The following KDM7A variants were observed in gnomAD, a reference collection of about 807,000 sequenced individuals.
The protein encoded by KDM7A is lysine demethylase 7A, also known as lysine-specific demethylase 7A.
KDM7A carries 28 observed loss-of-function variants against 114.8 expected under a neutral mutation model. That is an observed-to-expected ratio of 0.24 (90% CI 0.18 to 0.33). KDM7A has a LOEUF of 0.33. Ranked by LOEUF, KDM7A falls within the 10% of genes least tolerant of loss-of-function variation. KDM7A has a pLI of 1.00. For missense variants in KDM7A, 942 were observed against 1,142.5 expected (o/e 0.82, Z 2.53); for synonymous variants, 423 against 397.8 (o/e 1.06, Z -0.75).
chr7:140,116,096 AT>A (rs890933208), intron 9 of KDM7A, among the ~76,000 whole-genome samples: 1 of 152,184 alleles, frequency 6.6e-6, no homozygotes, highest in Non-Finnish European at 1.5e-5. Context: ...ATTGGAAACA[AT>A]TTGGCAGCAA....
chr7:140,151,090 C>T (rs369713315), intron 1 of KDM7A, among the ~76,000 whole-genome samples: 12 of 152,196 alleles, frequency 7.9e-5, no homozygotes, highest in African/African-American at 2.9e-4. Flanking sequence ...CTCGGCCTCC[C>T]AAAGTGCTGG....
At chr7:140,170,098 G>A (rs1395385417) in intron 1 of KDM7A, among the ~76,000 whole-genome samples, 1 of 152,026 alleles carries the variant, frequency 6.6e-6, no homozygotes, top group Non-Finnish European at 1.5e-5. Flanking sequence ...TCATGAAGGT[G>A]AAATGTATAT....
Position 140,094,148 on chromosome 7 carries a change from A to G in KDM7A, c.2375-10T>C, listed in dbSNP as rs1386556847. ...GTCTTGACATGGTATCCTAAAGAGA[A>G]GTTTTAGTTTAATTAACTTTGCACA... On this transcript the variant is annotated splice_polypyrimidine_tract_variant and intron_variant, in intron 17 of 19. Transcript: ENST00000397560. 1.6e-5 allele frequency: 24 copies of G among 1,510,726 alleles called. No individual in the cohort carries two copies. Among genetic ancestry groups the G allele is most frequent in the Non-Finnish European group, 2.2e-5 (24 of 1,086,016 alleles). 93.6% of individuals were successfully genotyped at this position (1,510,726 alleles called of 1,614,324 possible). A position where few individuals can be genotyped will look rare whatever the true frequency, so the allele number is the denominator to read the frequency against.
At chr7:140,155,025 G>A (rs1794443114) in intron 1 of KDM7A, among the ~76,000 whole-genome samples, 1 of 152,106 alleles carries the variant, frequency 6.6e-6, no homozygotes, top group Admixed American at 6.5e-5. Context: ...GCATTACCAA[G>A]CATTTACTGA....
intron 3 of KDM7A, 31 bp downstream of exon 3, chr7:140,133,508 C>A (rs774904474): frequency 1.6e-6 from 2 of 1,233,862 alleles, no homozygotes; most frequent in East Asian, 2.3e-5. Context: ...TACATTCTTA[C>A]ATTTTCTTTT....
At chr7:140,148,202 C>T (rs1213888611) in intron 1 of KDM7A, among the ~76,000 whole-genome samples, 1 of 147,930 alleles carries the variant, frequency 6.8e-6, no homozygotes, top group African/African-American at 2.5e-5. Context: ...ACCAGGCACT[C>T]AAATGGCTAT....
Position 140,084,847 on chromosome 7 carries a change from T to TA in KDM7A, c.*6246dup, listed in dbSNP as rs1373912257. 2 of 152,122 alleles carry TA rather than the reference T, an allele frequency of 1.3e-5. No homozygotes were observed. Among genetic ancestry groups the TA allele is most frequent in the African/African-American group, 4.8e-5 (2 of 41,388 alleles). The allele number at this position is 152,122 out of a possible 1,614,324, so 9.4% of individuals were successfully genotyped here. A position where few individuals can be genotyped will look rare whatever the true frequency, so the allele number is the denominator to read the frequency against. The stretch of plus-strand genomic sequence containing the variant: ...AATGAGCAAAAAATACACTAAGTGC[T>TA]AAAAAAATCAAAACAGAAGTAATAC... On this transcript the variant is annotated 3_prime_UTR_variant, in exon 20 of 20. Coordinates refer to ENST00000397560, the MANE Select transcript of KDM7A (RefSeq NM_030647.2).
At chr7:140,133,391 C>T (rs932909689) in intron 3 of KDM7A, 148 bp downstream of exon 3, 135 of 536,564 alleles carry the variant, frequency 2.5e-4, no homozygotes, top group Middle Eastern at 1.9e-3. Context: ...TTTTCTATTT[C>T]GTTAAGGAAG....
intron 2 of KDM7A, among the ~76,000 whole-genome samples, chr7:140,136,740 G>A (rs117651094): frequency 0.027 from 4,169 of 152,276 alleles, 102 homozygotes; most frequent in South Asian, 0.1. Flanking sequence ...GAGGCCAGGC[G>A]CAGTGGCTCA....
chr7:140,108,071 C>T (rs1359334650), intron 11 of KDM7A, among the ~76,000 whole-genome samples: 1 of 152,130 alleles, frequency 6.6e-6, no homozygotes, highest in African/African-American at 2.4e-5. Flanking sequence ...AATCGGCTAC[C>T]GAAGCTTGTG....
intron 3 of KDM7A, among the ~76,000 whole-genome samples, chr7:140,131,899 CACA>C (rs1238874792): frequency 2.0e-5 from 3 of 152,122 alleles, no homozygotes; most frequent in East Asian, 1.9e-4. Context: ...CTACATACCT[CACA>C]ACATTTAGGG....
Position 140,150,671 on chromosome 7 carries a change from T to C in KDM7A, c.195-11481A>G, listed in dbSNP as rs574240227. ...AAAAGAAAACTGAATGGATATAGAATGGAGAAGAGGAGAATTGCTTTTCAC... is the reference window on the plus strand; with the variant it reads ...AAAAGAAAACTGAATGGATATAGAACGGAGAAGAGGAGAATTGCTTTTCAC... On this transcript the variant is annotated intron_variant, in intron 1 of 19. Transcript: ENST00000397560. Among the ~76,000 whole-genome samples the C allele has an allele frequency of 9.8e-5, 15 of 152,304 alleles. No individual in the cohort carries two copies. The South Asian group carries it at 2.5e-3, about 25-fold the overall frequency.
intron 10 of KDM7A, among the ~76,000 whole-genome samples, chr7:140,112,146 T>C (rs1356171019): frequency 6.6e-6 from 1 of 152,212 alleles, no homozygotes; most frequent in African/African-American, 2.4e-5. Context: ...GTGGAGGACA[T>C]GATTTTTATT....
chr7:140,122,436 G>A (rs1818630887), intron 7 of KDM7A, among the ~76,000 whole-genome samples: 1 of 151,766 alleles, frequency 6.6e-6, no homozygotes, highest in Non-Finnish European at 1.5e-5. Flanking sequence ...TTTAAGGGAG[G>A]GGCATTCACA....
intron 1 of KDM7A, among the ~76,000 whole-genome samples, chr7:140,171,184 C>G (rs1223966314): frequency 6.6e-6 from 1 of 151,756 alleles, no homozygotes; most frequent in Non-Finnish European, 1.5e-5. Flanking sequence ...AGAATATGGC[C>G]GGGCGTGGTG....
At chr7:140,146,970 G>A (rs995950246) in intron 1 of KDM7A, among the ~76,000 whole-genome samples, 11 of 151,930 alleles carry the variant, frequency 7.2e-5, no homozygotes, top group African/African-American at 2.4e-4. Flanking sequence ...CTTACTGTCC[G>A]TGGACTTCAT....
chr7:140,155,277 A>G (rs1794446064), intron 1 of KDM7A, among the ~76,000 whole-genome samples: 1 of 152,176 alleles, frequency 6.6e-6, no homozygotes, highest in Non-Finnish European at 1.5e-5. Context: ...AAGAAGCAAG[A>G]TATAACATAT....
intron 4 of KDM7A, among the ~76,000 whole-genome samples, chr7:140,129,281 A>G (rs1030642667): frequency 6.6e-6 from 1 of 152,268 alleles, no homozygotes; most frequent in Non-Finnish European, 1.5e-5. Context: ...GATGAAGCTG[A>G]GTAAATAAAA....
At chr7:140,106,192 C>T (rs1411705057) in intron 11 of KDM7A, among the ~76,000 whole-genome samples, 2 of 151,962 alleles carry the variant, frequency 1.3e-5, no homozygotes, top group African/African-American at 4.8e-5. Context: ...TCTTATTAGT[C>T]TTGCTAGCAG....
Sources: gnomAD v4.1 joint callset for allele counts (sites outside exome capture counted in the v4.1 genomes callset) on GRCh38, gnomAD v4.1.1 for gene constraint, MANE v1.5 for transcripts, NCBI Gene and HGNC (gene_info 2026-07-23, HGNC 2026-07-21) for gene names.